SMIM41: variants seen among roughly 807,000 people sequenced by gnomAD.
The protein encoded by SMIM41 is small integral membrane protein 41.
chr12:52,103,148 A>T (rs1940254290), intron 2 of SMIM41, among the ~76,000 whole-genome samples: 1 of 152,072 alleles, frequency 6.6e-6, no homozygotes. Context: ...CATCTTGGTG[A>T]AACCCCGTCT....
chr12:52,097,378 C>T (rs111365693), intron 2 of SMIM41, among the ~76,000 whole-genome samples: 3,567 of 151,108 alleles, frequency 0.024, 62 homozygotes, highest in South Asian at 0.074. Context: ...AGCCACATTG[C>T]AGGGGGGTGG....
At chr12:52,099,519 G>A (rs1046937201) in intron 2 of SMIM41, among the ~76,000 whole-genome samples, 4 of 151,938 alleles carry the variant, frequency 2.6e-5, no homozygotes, top group Non-Finnish European at 5.9e-5. Context: ...GGGGTGGGGG[G>A]TGTACATCCG....
At chr12:52,090,287 G>A (rs1160623765) in intron 2 of SMIM41, among the ~76,000 whole-genome samples, 1 of 152,118 alleles carries the variant, frequency 6.6e-6, no homozygotes, top group Non-Finnish European at 1.5e-5. Context: ...TGGGCAGGCT[G>A]AGTCAGGCTG....
At chr12:52,095,628 G>T (rs146491180) in intron 2 of SMIM41, among the ~76,000 whole-genome samples, 120 of 152,060 alleles carry the variant, frequency 7.9e-4, no homozygotes, top group African/African-American at 2.9e-3. Context: ...TCCACCCCAT[G>T]CGATATTGAA....
intron 2 of SMIM41, among the ~76,000 whole-genome samples, chr12:52,096,556 T>TA (rs948167209): frequency 1.3e-5 from 2 of 151,732 alleles, no homozygotes; most frequent in African/African-American, 4.8e-5. Flanking sequence ...TAATTGATAA[T>TA]AAAAAGTTTT....
At chr12:52,100,260 A>G (rs1186567566) in intron 2 of SMIM41, among the ~76,000 whole-genome samples, 1 of 151,854 alleles carries the variant, frequency 6.6e-6, no homozygotes, top group African/African-American at 2.4e-5. Context: ...TAGGAACAAT[A>G]TCCCAGGGGG....
In SMIM41 at chr12:52,107,570, G is replaced by C; in HGVS notation, c.*387G>C. The C allele has an allele frequency of 1.3e-6, 1 of 761,740 alleles. No individual in the cohort carries two copies. Among genetic ancestry groups the C allele is most frequent in the Non-Finnish European group, 2.3e-6 (1 of 441,436 alleles). 47.2% of individuals were successfully genotyped at this position (761,740 alleles called of 1,614,324 possible). The stretch of plus-strand genomic sequence containing the variant: ...GTTTCACCTCCACCACGGTCCCCCA[G>C]ATGACTGTGGACATCCAGTCTCGCA... On this transcript the variant is annotated 3_prime_UTR_variant, in exon 3 of 3. Transcript: ENST00000546390.
In SMIM41 at chr12:52,107,628, C is replaced by T; in HGVS notation, c.*445C>T. On this transcript the variant is annotated 3_prime_UTR_variant, in exon 3 of 3. Coordinates refer to ENST00000546390, the MANE Select transcript of SMIM41 (RefSeq NM_001369216.1). ...CATCTCCTATGCAGGCTGCCTGACT[C>T]AGAAGTCTCTCTTTGCCATTTTTGG... is the stretch of plus-strand genomic sequence containing the variant. 1 of 593,122 alleles carries T rather than the reference C, an allele frequency of 1.7e-6. No homozygotes were observed. The highest frequency in any genetic ancestry group is 3.2e-6 in the Non-Finnish European group (1 of 310,964). 36.7% of individuals were successfully genotyped at this position (593,122 alleles called of 1,614,324 possible).
At chr12:52,091,603 T>A (rs192344332) in intron 2 of SMIM41, among the ~76,000 whole-genome samples, 15 of 152,250 alleles carry the variant, frequency 9.9e-5, no homozygotes, top group Non-Finnish European at 2.2e-4. Flanking sequence ...TTCTGCTGTT[T>A]TGCACTGCAC....
At position 52,107,677 on chromosome 12, in the gene SMIM41, C is replaced by T; in HGVS notation, c.*494C>T. 1.9e-6 allele frequency: 1 copy of T among 521,810 alleles called. No homozygotes were observed. The highest frequency in any genetic ancestry group is 3.8e-6 in the Non-Finnish European group (1 of 266,526). 32.3% of individuals were successfully genotyped at this position (521,810 alleles called of 1,614,324 possible). ...GGAGGCACGGAAGAGAGACATGCTC[C>T]TGAGTGTGATGGCCTATGACCGGTT... is the stretch of plus-strand genomic sequence containing the variant. On this transcript the variant is annotated 3_prime_UTR_variant, in exon 3 of 3. Transcript: ENST00000546390.
chr12:52,096,171 T>A (rs1439969504), intron 2 of SMIM41, among the ~76,000 whole-genome samples: 1 of 151,910 alleles, frequency 6.6e-6, no homozygotes, highest in Non-Finnish European at 1.5e-5. Context: ...GGGAGTAATA[T>A]CACCCTCTCC....
intron 2 of SMIM41, among the ~76,000 whole-genome samples, chr12:52,088,885 C>A (rs531828681): frequency 3.9e-5 from 6 of 152,132 alleles, no homozygotes. Flanking sequence ...CTGTCCCTCA[C>A]GTGCTCCACC....
intron 2 of SMIM41, among the ~76,000 whole-genome samples, chr12:52,086,118 T>C (rs1467016979): frequency 6.6e-6 from 1 of 152,086 alleles, no homozygotes; most frequent in Non-Finnish European, 1.5e-5. Flanking sequence ...CAAGGAGTGC[T>C]CAGGGATGGG....
chr12:52,104,585 A>G (rs1166453919), intron 2 of SMIM41, among the ~76,000 whole-genome samples: 1 of 152,100 alleles, frequency 6.6e-6, no homozygotes, highest in East Asian at 1.9e-4. Flanking sequence ...CAGGAAAAAA[A>G]CAGGAGAGTG....
In SMIM41 at chr12:52,096,711, CATT is replaced by C. The variant is rs200246474; in HGVS notation, c.*196-10662_*196-10660del. Among the ~76,000 whole-genome samples the C allele has an allele frequency of 7.3e-3, 1,102 of 151,396 alleles. 10 individuals carry two copies. Among genetic ancestry groups the C allele is most frequent in the African/African-American group, 0.026 (1,053 of 41,230 alleles). On this transcript the variant is annotated intron_variant, in intron 2 of 2. Coordinates refer to ENST00000546390, the MANE Select transcript of SMIM41 (RefSeq NM_001369216.1). ...CGTCAGTATAACTATTGCATATTGT[CATT>C]ATTATCGGTAGTGATTTTAAAAATT...
chr12:52,086,623 C>T (rs1352138315), intron 2 of SMIM41, among the ~76,000 whole-genome samples: 3 of 152,202 alleles, frequency 2.0e-5, no homozygotes, highest in African/African-American at 7.2e-5. Flanking sequence ...CCCACGCCCA[C>T]GGCTCCTCTG....
intron 2 of SMIM41, among the ~76,000 whole-genome samples, chr12:52,103,752 C>CAAAAAATA (rs112160627): frequency 6.8e-6 from 1 of 147,476 alleles, no homozygotes; most frequent in African/African-American, 2.6e-5. Context: ...AGACTGTCTC[C>CAAAAAATA]AGTAAATAAA....
chr12:52,091,714 T>C (rs968505219), intron 2 of SMIM41, among the ~76,000 whole-genome samples: 8 of 152,208 alleles, frequency 5.3e-5, no homozygotes, highest in Admixed American at 3.3e-4. Context: ...AGGGCGGAAC[T>C]GTAGATGTAT....
intron 2 of SMIM41, among the ~76,000 whole-genome samples, chr12:52,106,605 G>A (rs540548218): frequency 2.0e-5 from 3 of 152,324 alleles, no homozygotes; most frequent in African/African-American, 7.2e-5. Flanking sequence ...GCCTCCCAAA[G>A]TGCTGGGATT....
Sources: allele counts gnomAD v4.1 joint callset (sites outside exome capture counted in the v4.1 genomes callset), GRCh38; gene constraint gnomAD v4.1.1; transcripts MANE v1.5; gene names NCBI Gene and HGNC (gene_info 2026-07-23, HGNC 2026-07-21).